SLC7A8: variants seen among roughly 807,000 people sequenced by gnomAD.
SLC7A8 encodes large neutral amino acids transporter small subunit 2.
Under a neutral mutation model 51.2 loss-of-function variants are expected in SLC7A8, and 30 were observed. The observed-to-expected ratio is 0.59, with a 90% confidence interval of 0.44 to 0.80. The LOEUF (loss-of-function observed/expected upper bound fraction) is 0.80, where lower values mean the gene tolerates loss of function less well. Ranked by LOEUF, SLC7A8 falls within the 30% of genes least tolerant of loss-of-function variation. The pLI, the probability that SLC7A8 is intolerant of heterozygous loss-of-function variation, is 0.00. For missense variants in SLC7A8, 612 were observed against 674.4 expected, an observed-to-expected ratio of 0.91 and a Z score of 1.03; for synonymous variants, 257 against 275.8, an observed-to-expected ratio of 0.93 and a Z score of 0.67.
Position 23,129,681 on chromosome 14 carries a change from C to A in SLC7A8, c.1232G>T (p.Trp411Leu), listed in dbSNP as rs1484109392. Residue 411 changes from tryptophan to leucine, a missense_variant, in exon 9 of 11, where the codon TGG becomes TTG. Transcript: ENST00000316902. ...GGGGCGGGGGATATCAGGCTTCTTC[C>A]AGCGAAGGACTATCTGTCCAGCAAC... is the stretch of plus-strand genomic sequence containing the variant. ...VTVAGQIVLR[W>L]KKPDIPRPIK... The A allele has an allele frequency of 1.2e-6, 2 of 1,614,182 alleles. No homozygotes were observed. Among genetic ancestry groups the A allele is most frequent in the Admixed American group, 3.3e-5 (2 of 60,024 alleles).
intron 3 of SLC7A8, among the ~76,000 whole-genome samples, chr14:23,149,198 TC>T (rs2048825216): frequency 6.6e-6 from 1 of 152,206 alleles, no homozygotes; most frequent in East Asian, 1.9e-4. Flanking sequence ...GCTAGAGTGT[TC>T]CTATTTCCTC....
chr14:23,155,252 C>A (rs1438724242), intron 3 of SLC7A8: 1 of 1,536,136 alleles, frequency 6.5e-7, no homozygotes, highest in Admixed American at 2.0e-5. Flanking sequence ...AAGGACACAC[C>A]AGCAGAGGAG....
intron 3 of SLC7A8, among the ~76,000 whole-genome samples, chr14:23,151,543 G>A (rs1281660936): frequency 6.6e-6 from 1 of 152,026 alleles, no homozygotes; most frequent in Non-Finnish European, 1.5e-5. Context: ...GATCAATTGA[G>A]GCCAGAAGTT....
intron 1 of SLC7A8, among the ~76,000 whole-genome samples, chr14:23,179,359 C>T (rs959896508): frequency 6.6e-6 from 1 of 152,170 alleles, no homozygotes; most frequent in Admixed American, 6.5e-5. Context: ...ATTTCCATAA[C>T]ACCTACCATT....
At chr14:23,177,740 G>T (rs1395666923) in intron 1 of SLC7A8, among the ~76,000 whole-genome samples, 1 of 152,216 alleles carries the variant, frequency 6.6e-6, no homozygotes, top group Admixed American at 6.5e-5. Context: ...GTGCTGGCCA[G>T]ATGCCCCTCA....
intron 3 of SLC7A8, among the ~76,000 whole-genome samples, chr14:23,147,157 A>T (rs2048803900): frequency 1.3e-5 from 2 of 150,806 alleles, no homozygotes; most frequent in Admixed American, 1.3e-4. Flanking sequence ...GCATCCATCC[A>T]CCCACCCATC....
At chr14:23,142,059 A>G (rs1594824611) in intron 4 of SLC7A8, among the ~76,000 whole-genome samples, 2 of 152,394 alleles carry the variant, frequency 1.3e-5, no homozygotes, top group Admixed American at 6.5e-5. Flanking sequence ...AAATGCCTGA[A>G]AGCAATATAT....
intron 1 of SLC7A8, among the ~76,000 whole-genome samples, chr14:23,180,368 G>T (rs1653422422): frequency 6.6e-6 from 1 of 152,218 alleles, no homozygotes; most frequent in Non-Finnish European, 1.5e-5. Context: ...GGAAAGGGCA[G>T]TTCCTCAGCA....
At chr14:23,154,417 G>C (rs1000602819) in intron 3 of SLC7A8, 2 of 993,472 alleles carry the variant, frequency 2.0e-6, no homozygotes, top group African/African-American at 1.7e-5. Context: ...GCTGGGCAGG[G>C]AAGCCGGGCC....
intron 9 of SLC7A8, among the ~76,000 whole-genome samples, chr14:23,129,072 A>G (rs1220661112): frequency 1.3e-5 from 2 of 152,154 alleles, no homozygotes; most frequent in African/African-American, 4.8e-5. Flanking sequence ...GTTCTGAGCA[A>G]TCCCTTTAAT....
At chr14:23,130,914 T>G (rs2048626508) in intron 8 of SLC7A8, among the ~76,000 whole-genome samples, 1 of 152,270 alleles carries the variant, frequency 6.6e-6, no homozygotes, top group African/African-American at 2.4e-5. Flanking sequence ...GATATTTTAC[T>G]CCCATCTCTT....
At chr14:23,162,046 AAG>A (rs1555305528) in intron 3 of SLC7A8, among the ~76,000 whole-genome samples, 3 of 152,032 alleles carry the variant, frequency 2.0e-5, no homozygotes, top group African/African-American at 7.2e-5. Context: ...AATTCAAAAA[AAG>A]AAGAGAGGAT....
intron 1 of SLC7A8, among the ~76,000 whole-genome samples, chr14:23,179,506 GAA>G (rs71115600): frequency 7.0e-6 from 1 of 142,486 alleles, no homozygotes; most frequent in African/African-American, 2.6e-5. Context: ...CACAGTCCCT[GAA>G]AAAAAAAAAA....
chr14:23,169,479 T>C (rs1304790051), intron 1 of SLC7A8, among the ~76,000 whole-genome samples: 1 of 152,248 alleles, frequency 6.6e-6, no homozygotes, highest in African/African-American at 2.4e-5. Flanking sequence ...CGATCTTGGC[T>C]CACTGCAACC....
At chr14:23,144,100 A>G (rs2048768997) in intron 3 of SLC7A8, among the ~76,000 whole-genome samples, 1 of 152,190 alleles carries the variant, frequency 6.6e-6, no homozygotes, top group Non-Finnish European at 1.5e-5. Context: ...TGTGATAAAT[A>G]CTTGTGTAGA....
At chr14:23,132,590 A>G (rs558462601) in intron 7 of SLC7A8, among the ~76,000 whole-genome samples, 33 of 151,942 alleles carry the variant, frequency 2.2e-4, no homozygotes, top group African/African-American at 6.5e-4. Flanking sequence ...ACAAACACAA[A>G]CAAAAAAACC....
intron 1 of SLC7A8, among the ~76,000 whole-genome samples, chr14:23,168,556 G>A (rs929101393): frequency 6.6e-6 from 1 of 152,196 alleles, no homozygotes; most frequent in African/African-American, 2.4e-5. Context: ...TATAAAACCA[G>A]CTCAAGGAGT....
chr14:23,182,653 C>T, intron 1 of SLC7A8, 111 bp downstream of exon 1: 1 of 1,258,860 alleles, frequency 7.9e-7, no homozygotes, highest in East Asian at 2.6e-5. Context: ...AGGTGACTGA[C>T]AATCCTTTTC....
intron 7 of SLC7A8, 25 bp from the exon 8 acceptor site, chr14:23,131,582 C>A (rs775119873): frequency 6.4e-7 from 1 of 1,563,650 alleles, no homozygotes; most frequent in East Asian, 2.3e-5. Flanking sequence ...AGCAGGTCAG[C>A]CTGGGATAAC....
Sources: allele counts gnomAD v4.1 joint callset (sites outside exome capture counted in the v4.1 genomes callset), GRCh38; gene constraint gnomAD v4.1.1; transcripts MANE v1.5; gene names NCBI Gene and HGNC (gene_info 2026-07-23, HGNC 2026-07-21).